Variants in RELN observed in about 807,000 individuals in gnomAD.
RELN encodes reelin.
A neutral mutation model predicts 427.6 loss-of-function variants in RELN; 108 were observed. The observed-to-expected ratio is 0.25, with a 90% CI of 0.22 to 0.30. RELN has a LOEUF of 0.30. RELN is among the 10% of genes least tolerant of loss of function. The probability of loss-of-function intolerance (pLI) is 1.00; values close to 1 mark genes in which losing one functional copy is unlikely to be tolerated. For missense variants in RELN, 3,715 were observed against 4,302.8 expected, an observed-to-expected ratio of 0.86 and a Z score of 3.82; for synonymous variants, 1,524 against 1,513.4, an observed-to-expected ratio of 1.01 and a Z score of -0.16.
At chr7:103,819,249 A>G (rs1480288538) in intron 3 of RELN, among the ~76,000 whole-genome samples, 1 of 152,088 alleles carries the variant, frequency 6.6e-6, no homozygotes, top group Non-Finnish European at 1.5e-5. Flanking sequence ...TTTATGACAT[A>G]TATTTATTTA....
chr7:103,674,541 T>C (rs1453002621), intron 11 of RELN, among the ~76,000 whole-genome samples: 1 of 152,120 alleles, frequency 6.6e-6, no homozygotes, highest in African/African-American at 2.4e-5. Context: ...TGGGTGAGGA[T>C]TCCCATGAGG....
chr7:103,690,674 AC>A (rs1201427330), intron 10 of RELN, among the ~76,000 whole-genome samples: 1 of 152,148 alleles, frequency 6.6e-6, no homozygotes, highest in African/African-American at 2.4e-5. Context: ...AGTTTCAGGC[AC>A]CTTCCTTTGC....
chr7:103,575,712 G>C lies in RELN; in HGVS notation c.4146-7C>G. 6.2e-7 allele frequency: 1 copy of C among 1,613,968 alleles called. No individual in the cohort carries two copies. The highest frequency in any genetic ancestry group is 1.1e-5 in the South Asian group (1 of 91,078). On this transcript the variant is annotated splice_region_variant and splice_polypyrimidine_tract_variant and intron_variant, in intron 28 of 64. Transcript: ENST00000428762. ...CCATCGGAATCTGGTCTTGCTGTTG[G>C]GAAAAACAACACACCTGTTTCTTGT... is the stretch of plus-strand genomic sequence containing the variant.
chr7:103,610,592 T>C (rs1332990212), intron 22 of RELN, 103 bp downstream of exon 22: 4 of 746,060 alleles, frequency 5.4e-6, no homozygotes, highest in South Asian at 1.4e-5. Context: ...TGTGCTTAAC[T>C]TGCCTTCATA....
At position 103,652,697 on chromosome 7, in the gene RELN, A is replaced by G. The variant is rs1832946669; in HGVS notation, c.1617T>C (p.Cys539=). 6.2e-7 allele frequency: 1 copy of G among 1,612,826 alleles called. No individual in the cohort carries two copies. Among genetic ancestry groups the G allele is most frequent in the South Asian group, 1.1e-5 (1 of 91,070 alleles). The change falls in exon 14 of 65, where the codon TGT becomes TGC. Residue 539 remains cysteine (C), a synonymous_variant. Coordinates refer to ENST00000428762, the MANE Select transcript of RELN (RefSeq NM_005045.4). ...PELQTPATKF[C]LRQKNHQGHN... ...GTCCTTGATGGTTCTTTTGCCTGAG[A>G]CAAAATTTGGTAGCAGGAGTCTGAA...
At chr7:103,584,150 A>T (rs895375234) in intron 28 of RELN, among the ~76,000 whole-genome samples, 1 of 152,236 alleles carries the variant, frequency 6.6e-6, no homozygotes, top group Non-Finnish European at 1.5e-5. Context: ...TCTAGCCCAC[A>T]GGGAGTATTG....
At chr7:103,586,719 G>A (rs767771764) in intron 28 of RELN, among the ~76,000 whole-genome samples, 8 of 152,150 alleles carry the variant, frequency 5.3e-5, no homozygotes, top group Middle Eastern at 3.2e-3. Context: ...ACAAAAATCA[G>A]AGCATTTCTA....
chr7:103,486,904 C>A (rs185824213), intron 60 of RELN, among the ~76,000 whole-genome samples: 6 of 152,144 alleles, frequency 3.9e-5, no homozygotes, highest in Non-Finnish European at 8.8e-5. Flanking sequence ...TCCCATTACT[C>A]GGTATATACC....
intron 60 of RELN, among the ~76,000 whole-genome samples, chr7:103,487,944 G>T (rs183902806): frequency 0.015 from 2,295 of 152,214 alleles, 69 homozygotes; most frequent in African/African-American, 0.053. Flanking sequence ...AGGAGTTCGA[G>T]TCCAGCCTGA....
intron 3 of RELN, among the ~76,000 whole-genome samples, chr7:103,818,883 A>G (rs1303538446): frequency 6.6e-6 from 1 of 152,202 alleles, no homozygotes; most frequent in African/African-American, 2.4e-5. Context: ...AATTGAACAC[A>G]CACATATTTA....
intron 2 of RELN, among the ~76,000 whole-genome samples, chr7:103,881,255 A>G (rs1794600477): frequency 6.6e-6 from 1 of 152,000 alleles, no homozygotes; most frequent in Non-Finnish European, 1.5e-5. Flanking sequence ...TCCATTCCTC[A>G]TCTTTCTTTA....
chr7:103,836,108 G>C (rs957069028), intron 2 of RELN, among the ~76,000 whole-genome samples: 10 of 152,030 alleles, frequency 6.6e-5, no homozygotes, highest in Non-Finnish European at 1.3e-4. Flanking sequence ...GATTACAGGT[G>C]CCTGCCACCA....
chr7:103,571,888 AT>A lies in RELN; in HGVS notation c.4588+295del, dbSNP rs577947244. 7.3e-5 allele frequency among the ~76,000 whole-genome samples: 11 copies of A among 151,498 alleles called. No homozygotes were observed. The South Asian group carries it at 8.4e-4, about 12-fold the overall frequency. On this transcript the variant is annotated intron_variant, in intron 31 of 64. Coordinates refer to ENST00000428762, the MANE Select transcript of RELN (RefSeq NM_005045.4). ...TAAGAGTCTCTGCTATTGTTTTGGG[AT>A]TTTTTTTTGTGCCTCCCTGCGGATA...
chr7:103,604,196 T>C, intron 23 of RELN, 150 bp downstream of exon 23: 1 of 894,242 alleles, frequency 1.1e-6, no homozygotes, highest in Non-Finnish European at 1.8e-6. Context: ...CTTTTACATC[T>C]AAAATACAAA....
intron 19 of RELN, 33 bp downstream of exon 19, chr7:103,635,392 T>C (rs1832556955): frequency 1.2e-6 from 2 of 1,609,828 alleles, no homozygotes; most frequent in African/African-American, 2.7e-5. Context: ...GATTTCACTC[T>C]ACAACCATTT....
In RELN at chr7:103,630,859, TG is replaced by T. The variant is rs56887263; in HGVS notation, c.2466-684del. 2.1e-3 allele frequency among the ~76,000 whole-genome samples: 234 copies of T among 112,624 alleles called. 3 individuals are homozygous for T. Among genetic ancestry groups the T allele is most frequent in the African/African-American group, 5.4e-3 (151 of 28,022 alleles). 73.9% of individuals were successfully genotyped at this position (112,624 alleles called of 152,430 possible). On this transcript the variant is annotated intron_variant, in intron 19 of 64. Transcript: ENST00000428762. ...GGCTGAGTTATTTTTTTGTTTTTTT[TG>T]TTTTTTTTTTTTTTGTTTTTTAACT...
chr7:103,603,412 G>A lies in RELN; in HGVS notation c.3225C>T (p.Asn1075=). ...GCCAGTCAGACTCCCAGCCATTCTG[G>A]TTCTCAAAATCTGACATAATTGTGG... ...LPSTIMSDFE[N]QNGWESDWQE... Residue 1075 remains asparagine (N), a synonymous_variant, in exon 24 of 65, where the codon AAC becomes AAT. Coordinates refer to ENST00000428762, the MANE Select transcript of RELN (RefSeq NM_005045.4). The surrounding 1 kb of genome is among the most constrained non-coding windows in gnomAD (Gnocchi z 4.3). 1 of 1,613,804 alleles carries A rather than the reference G, an allele frequency of 6.2e-7. No individual in the cohort carries two copies.
chr7:103,510,220 C>CAAAG (rs1324139356), intron 51 of RELN, among the ~76,000 whole-genome samples: 1 of 152,146 alleles, frequency 6.6e-6, no homozygotes, highest in Non-Finnish European at 1.5e-5. Context: ...TTCACAATAG[C>CAAAG]AAAGACTTGG....
At chr7:103,549,019 C>G (rs535654764) in intron 41 of RELN, among the ~76,000 whole-genome samples, 1 of 151,582 alleles carries the variant, frequency 6.6e-6, no homozygotes, top group African/African-American at 2.4e-5. Flanking sequence ...CGTTCGTTTT[C>G]TATTTAATTC....
Sources: allele counts gnomAD v4.1 joint callset (sites outside exome capture counted in the v4.1 genomes callset), GRCh38; gene constraint gnomAD v4.1.1; non-coding constraint Gnocchi (gnomAD v3.1); transcripts MANE v1.5; gene names NCBI Gene and HGNC (gene_info 2026-07-23, HGNC 2026-07-21).